The following RBFOX1 variants were observed in gnomAD, a reference collection of about 807,000 sequenced individuals.
RBFOX1 encodes the protein RNA binding protein fox-1 homolog 1.
A neutral mutation model predicts 57.7 loss-of-function variants in RBFOX1; 8 were observed. The observed-to-expected ratio is 0.14, with a 90% CI of 0.08 to 0.25. The LOEUF (loss-of-function observed/expected upper bound fraction) is 0.25. Among genes scored for constraint, RBFOX1 ranks in the 10% least tolerant of loss-of-function variants. The pLI is 1.00. For missense variants in RBFOX1, 611 were observed against 548.5 expected (o/e 1.11, Z -1.14); for synonymous variants, 326 against 222.4 (o/e 1.47, Z -4.15).
At chr16:6,129,994 G>T (rs1052201414) in intron 1 of RBFOX1, among the ~76,000 whole-genome samples, 2 of 152,100 alleles carry the variant, frequency 1.3e-5, no homozygotes, top group Admixed American at 1.3e-4. Context: ...AAGGACAGTA[G>T]AGGGAATGTG....
intron 3 of RBFOX1, among the ~76,000 whole-genome samples, chr16:5,685,790 A>G (rs2050486419): frequency 6.6e-6 from 1 of 152,224 alleles, no homozygotes; most frequent in Non-Finnish European, 1.5e-5. Flanking sequence ...AAGTTGGCAG[A>G]CAGAACCTAA....
At chr16:7,118,749 T>G (rs1453160864) in intron 4 of RBFOX1, among the ~76,000 whole-genome samples, 1 of 152,080 alleles carries the variant, frequency 6.6e-6, no homozygotes, top group East Asian at 1.9e-4. Context: ...TCCTCAAGGA[T>G]GCACACCACA....
intron 4 of RBFOX1, among the ~76,000 whole-genome samples, chr16:7,313,063 C>T (rs1405474368): frequency 6.6e-6 from 1 of 152,078 alleles, no homozygotes; most frequent in Non-Finnish European, 1.5e-5. Flanking sequence ...GCTCTTCCTT[C>T]TGAAGCAAAA....
At chr16:5,895,490 G>T (rs2058142524) in intron 4 of RBFOX1, among the ~76,000 whole-genome samples, 1 of 152,202 alleles carries the variant, frequency 6.6e-6, no homozygotes, top group Admixed American at 6.5e-5. Flanking sequence ...TGAAATACCA[G>T]TGCCAGAGGA....
At chr16:5,467,397 A>G in intron 2 of RBFOX1, 1 of 725,996 alleles carries the variant, frequency 1.4e-6, no homozygotes, top group East Asian at 2.9e-5. Context: ...TTCATCCCTT[A>G]GCAAGAAGGT....
intron 2 of RBFOX1, among the ~76,000 whole-genome samples, chr16:6,489,430 T>C (rs1413744890): frequency 6.6e-6 from 1 of 152,170 alleles, no homozygotes; most frequent in African/African-American, 2.4e-5. Context: ...ATTGTTATTG[T>C]TTTTATCTAC....
At chr16:7,063,163 G>A (rs972885835) in intron 4 of RBFOX1, among the ~76,000 whole-genome samples, 1 of 151,954 alleles carries the variant, frequency 6.6e-6, no homozygotes, top group Non-Finnish European at 1.5e-5. Context: ...CACACGCAGG[G>A]CTAGATGCTT....
At chr16:6,685,659 T>C (rs2059345818) in intron 3 of RBFOX1, among the ~76,000 whole-genome samples, 1 of 152,166 alleles carries the variant, frequency 6.6e-6, no homozygotes, top group African/African-American at 2.4e-5. Flanking sequence ...AAGTCATCCA[T>C]ACTTATTGTA....
chr16:6,487,836 T>C (rs1485018136), intron 2 of RBFOX1, among the ~76,000 whole-genome samples: 1 of 150,462 alleles, frequency 6.6e-6, no homozygotes, highest in African/African-American at 2.5e-5. Flanking sequence ...TTCATGTTTA[T>C]CTAATGAGCC....
chr16:6,357,766 T>C (rs2087637500), intron 2 of RBFOX1, among the ~76,000 whole-genome samples: 3 of 151,828 alleles, frequency 2.0e-5, no homozygotes, highest in Non-Finnish European at 1.5e-5. Flanking sequence ...CTGGCGAACA[T>C]CGTGAAACAC....
chr16:5,499,494 G>T (rs2043115022), intron 2 of RBFOX1, among the ~76,000 whole-genome samples: 1 of 152,160 alleles, frequency 6.6e-6, no homozygotes, highest in Non-Finnish European at 1.5e-5. Context: ...GCTTAGAGAG[G>T]CTACATCACT....
intron 3 of RBFOX1, among the ~76,000 whole-genome samples, chr16:5,723,374 GAAGCTGTGGATTAAA>G (rs1567449542): frequency 5.9e-5 from 9 of 151,638 alleles, no homozygotes; most frequent in Non-Finnish European, 1.2e-4. Context: ...CAGCCCACAG[GAAGCTGTGGATTAAA>G]CAGTGGCTAT....
In RBFOX1 at chr16:6,426,373, A is replaced by T. The variant is rs919495290; in HGVS notation, c.-64+109316A>T. Among the ~76,000 whole-genome samples, 7 of 152,264 alleles carry T rather than the reference A, an allele frequency of 4.6e-5. No homozygotes were observed. The East Asian group carries it at 1.4e-3, about 29-fold the overall frequency. Reference sequence around the variant, plus strand: ...AAGAGAAAAAGAGGGAGGGAGAAGGAAAGTGTCCAGGAAAGAGAGAGAAAA... The same window carrying T: ...AAGAGAAAAAGAGGGAGGGAGAAGGTAAGTGTCCAGGAAAGAGAGAGAAAA... On this transcript the variant is annotated intron_variant, in intron 2 of 15. Coordinates refer to ENST00000550418, the MANE Select transcript of RBFOX1 (RefSeq NM_018723.4).
chr16:7,674,282 T>C (rs551562209), intron 13 of RBFOX1, among the ~76,000 whole-genome samples: 289 of 152,316 alleles, frequency 1.9e-3, no homozygotes, highest in Non-Finnish European at 2.8e-3. Context: ...TGTCCAATCC[T>C]TTGGCCACCA....
At chr16:6,806,836 A>ATATATATATATATATTTTTTTTT (rs754342591) in intron 3 of RBFOX1, among the ~76,000 whole-genome samples, 2 of 91,904 alleles carry the variant, frequency 2.2e-5, no homozygotes, top group African/African-American at 4.1e-5. Flanking sequence ...ATATATATAT[A>ATATATATATATATATTTTTTTTT]TTTTTTTTTT....
At chr16:7,265,251 G>C (rs535233811) in intron 4 of RBFOX1, among the ~76,000 whole-genome samples, 1 of 152,066 alleles carries the variant, frequency 6.6e-6, no homozygotes, top group East Asian at 1.9e-4. Context: ...CTGGAAGTGA[G>C]ATCAGGGTAG....
intron 5 of RBFOX1, among the ~76,000 whole-genome samples, chr16:7,549,486 A>G (rs1051117521): frequency 6.6e-6 from 1 of 152,142 alleles, no homozygotes; most frequent in African/African-American, 2.4e-5. Flanking sequence ...TTTATAAAGG[A>G]GAATTGACTC....
intron 3 of RBFOX1, among the ~76,000 whole-genome samples, chr16:6,877,808 C>CT (rs1276484497): frequency 6.6e-6 from 1 of 152,076 alleles, no homozygotes; most frequent in East Asian, 1.9e-4. Context: ...GCTTGTGTAA[C>CT]TAGGAGAATA....
chr16:6,609,580 G>C (rs1380323551), intron 2 of RBFOX1, among the ~76,000 whole-genome samples: 1 of 151,864 alleles, frequency 6.6e-6, no homozygotes, highest in Non-Finnish European at 1.5e-5. Context: ...CTAAAATCAA[G>C]GCATTTCCTT....
Sources: gnomAD v4.1 joint callset for allele counts (sites outside exome capture counted in the v4.1 genomes callset) on GRCh38, gnomAD v4.1.1 for gene constraint, MANE v1.5 for transcripts, NCBI Gene and HGNC (gene_info 2026-07-23, HGNC 2026-07-21) for gene names.